Variants in CWF19L2 observed in about 807,000 individuals in gnomAD.
CWF19L2 encodes CWF19 like cell cycle control factor 2, also known as CWF19-like protein 2.
CWF19L2 carries 98 observed loss-of-function variants against 111.7 expected under a neutral mutation model. The ratio of observed to expected loss-of-function variants is 0.88; its 90% CI spans 0.75 to 1.04. The LOEUF (loss-of-function observed/expected upper bound fraction) is 1.04, where lower values mean the gene tolerates loss of function less well. CWF19L2 is among the 50% of genes least tolerant of loss of function. The pLI is 0.00. For synonymous variants in CWF19L2, 351 were observed against 342.9 expected (o/e 1.02, Z -0.26); for missense variants, 1,101 against 1,051.4 (o/e 1.05, Z -0.65).
At chr11:107,437,073 T>C (rs898254879) in intron 6 of CWF19L2, among the ~76,000 whole-genome samples, 2 of 152,180 alleles carry the variant, frequency 1.3e-5, no homozygotes, top group African/African-American at 4.8e-5. Flanking sequence ...ACAGTAATTA[T>C]TGAAAATATG....
intron 3 of CWF19L2, among the ~76,000 whole-genome samples, chr11:107,452,635 A>G (rs1861793237): frequency 6.6e-6 from 1 of 152,180 alleles, no homozygotes; most frequent in Non-Finnish European, 1.5e-5. Flanking sequence ...TACACAACAT[A>G]AATAAAAATT....
Position 107,349,012 on chromosome 11 carries a change from C to T in CWF19L2, c.2127G>A (p.Gly709=). Residue 709 remains glycine, a synonymous_variant, in exon 14 of 18, where the codon GGG becomes GGA. Coordinates refer to ENST00000282251, the MANE Select transcript of CWF19L2 (RefSeq NM_152434.3). The part of the protein sequence containing the change: ...CLPNVRSLTE[G]HCLIVPLQHH... ...GCTGCAAAGGGACTATCAGGCAGTGCCCCTCAGTAAGAGACCGTACGTTGG... is the reference window on the plus strand; with the variant it reads ...GCTGCAAAGGGACTATCAGGCAGTGTCCCTCAGTAAGAGACCGTACGTTGG... 2.5e-6 allele frequency: 4 copies of T among 1,610,042 alleles called. No homozygotes were observed. Among genetic ancestry groups the T allele is most frequent in the African/African-American group, 1.3e-5 (1 of 74,872 alleles).
chr11:107,330,520 C>A (rs2134517737), intron 16 of CWF19L2, among the ~76,000 whole-genome samples: 1 of 151,902 alleles, frequency 6.6e-6, no homozygotes, highest in Admixed American at 6.6e-5. Context: ...GATACAGCAA[C>A]ACTTAGTTTA....
At chr11:107,454,594 A>C in intron 2 of CWF19L2, 22 bp from the exon 3 acceptor site, 1 of 1,295,928 alleles carries the variant, frequency 7.7e-7, no homozygotes, top group Non-Finnish European at 9.9e-7. Flanking sequence ...TTGAACAGGC[A>C]AGAAAATAAT....
At chr11:107,448,190 A>T (rs1036333419) in intron 3 of CWF19L2, among the ~76,000 whole-genome samples, 1 of 151,906 alleles carries the variant, frequency 6.6e-6, no homozygotes, top group Non-Finnish European at 1.5e-5. Flanking sequence ...CTAAAAATAC[A>T]AACAATTAGC....
At chr11:107,453,820 C>G (rs751430758) in intron 3 of CWF19L2, among the ~76,000 whole-genome samples, 34 of 151,916 alleles carry the variant, frequency 2.2e-4, no homozygotes, top group Non-Finnish European at 4.6e-4. Flanking sequence ...AGTCCCAGGC[C>G]GGGCAGCTGA....
intron 3 of CWF19L2, among the ~76,000 whole-genome samples, chr11:107,445,104 G>A (rs747917317): frequency 4.6e-5 from 7 of 152,080 alleles, no homozygotes; most frequent in Non-Finnish European, 7.4e-5. Flanking sequence ...CTCAGGGTAG[G>A]GGAAATGAAA....
chr11:107,456,669 G>A (rs1011716338), intron 1 of CWF19L2, among the ~76,000 whole-genome samples: 5 of 151,772 alleles, frequency 3.3e-5, no homozygotes, highest in Non-Finnish European at 5.9e-5. Flanking sequence ...TCCAGAAAAG[G>A]GAAAATCATG....
At chr11:107,335,183 G>A (rs2134522980) in intron 15 of CWF19L2, among the ~76,000 whole-genome samples, 1 of 152,190 alleles carries the variant, frequency 6.6e-6, no homozygotes, top group African/African-American at 2.4e-5. Context: ...ATTCTTAACT[G>A]TTATACTAAC....
intron 10 of CWF19L2, among the ~76,000 whole-genome samples, chr11:107,415,881 T>G (rs1002403054): frequency 6.6e-6 from 1 of 152,094 alleles, no homozygotes; most frequent in Admixed American, 6.6e-5. Flanking sequence ...GTGGATCATT[T>G]GAGGTCAGGA....
intron 13 of CWF19L2, among the ~76,000 whole-genome samples, chr11:107,351,028 A>G (rs1420819483): frequency 3.9e-5 from 6 of 152,220 alleles, no homozygotes; most frequent in Non-Finnish European, 2.9e-5. Flanking sequence ...CATAGGCGAC[A>G]ATAAGGATTC....
At position 107,392,830 on chromosome 11, in the gene CWF19L2, G is replaced by A. The variant is rs781532793; in HGVS notation, c.1683C>T (p.Asn561=). 6.3e-7 allele frequency: 1 copy of A among 1,596,584 alleles called. No individual in the cohort carries two copies. The highest frequency in any genetic ancestry group is 8.5e-7 in the Non-Finnish European group (1 of 1,174,038). The change falls in exon 11 of 18, where the codon AAC becomes AAT. Residue 561 remains asparagine (N), a synonymous_variant. Transcript: ENST00000282251. ...GTGATTCCAGAGATTTTCCGGGTGT[G>A]TTCACAGGCCATACTCTTCCAGACT... ...TDQSGRVWPV[N]TPGKSLESQG...
chr11:107,429,048 A>G lies in CWF19L2; in HGVS notation c.1184T>C (p.Leu395Ser), dbSNP rs766072878. Residue 395 changes from leucine to serine, a missense_variant, in exon 8 of 18, where the codon TTG becomes TCG. Transcript: ENST00000282251. ...ACTACACAAAGAGCCCTGAGCTACCAATGCTGAAGATGAACTAAGTGGTTC... is the reference window on the plus strand; with the variant it reads ...ACTACACAAAGAGCCCTGAGCTACCGATGCTGAAGATGAACTAAGTGGTTC... ...KFEPLSSSSALVAQGSLCSGF... is the reference protein window; with the variant it reads ...KFEPLSSSSASVAQGSLCSGF... The G allele has an allele frequency of 1.2e-6, 2 of 1,613,820 alleles. No individual in the cohort carries two copies. Among genetic ancestry groups the G allele is most frequent in the South Asian group, 1.1e-5 (1 of 91,068 alleles).
intron 2 of CWF19L2, among the ~76,000 whole-genome samples, chr11:107,455,235 T>G (rs1861836712): frequency 6.6e-6 from 1 of 152,120 alleles, no homozygotes; most frequent in South Asian, 2.1e-4. Flanking sequence ...TGAATCTTTC[T>G]ATAATGTATA....
chr11:107,368,295 G>C (rs1860462386), intron 12 of CWF19L2, among the ~76,000 whole-genome samples: 1 of 137,766 alleles, frequency 7.3e-6, no homozygotes, highest in African/African-American at 2.9e-5. Context: ...GAGCATCAGA[G>C]ACTATGATGA....
Position 107,418,217 on chromosome 11 carries a change from T to C in CWF19L2, c.1504A>G (p.Lys502Glu). The C allele has an allele frequency of 6.2e-7, 1 of 1,609,696 alleles. No individual in the cohort carries two copies. The highest frequency in any genetic ancestry group is 1.1e-5 in the South Asian group (1 of 90,984). Reference protein sequence around the residue: ...EKNKLGAKIIKAEMMGNMELA... With the variant: ...EKNKLGAKIIEAEMMGNMELA... ...ACCATATTCCCCATCATCTCTGCTTTGATAATCTTGGCTCCCAACTTGTTC... is the reference window on the plus strand; with the variant it reads ...ACCATATTCCCCATCATCTCTGCTTCGATAATCTTGGCTCCCAACTTGTTC... The change falls in exon 9 of 18, where the codon AAA becomes GAA. Residue 502 changes from lysine (K) to glutamate (E), a missense_variant. By Grantham distance (56) the Lys-to-Glu change is moderately conservative. Transcript: ENST00000282251.
rs548449126 is a variant in CWF19L2 at position 107,359,450 on chromosome 11, C to T, written c.1873-5714G>A. 3.9e-5 allele frequency among the ~76,000 whole-genome samples: 6 copies of T among 152,224 alleles called. No homozygotes were observed. In the East Asian group the frequency reaches 1.2e-3, roughly 29 times the overall value. On this transcript the variant is annotated intron_variant, in intron 12 of 17. Transcript: ENST00000282251. The stretch of plus-strand genomic sequence containing the variant: ...TATGTCTTCCAGGATATAGTATATG[C>T]TCTAAGTCAGCATCCAAACAATGAT...
At chr11:107,331,930 A>C (rs1030333182) in intron 16 of CWF19L2, among the ~76,000 whole-genome samples, 7 of 152,238 alleles carry the variant, frequency 4.6e-5, no homozygotes, top group Non-Finnish European at 1.0e-4. Flanking sequence ...ATGTACATTT[A>C]GCACTTCCTT....
chr11:107,374,206 A>G (rs1271836952), intron 12 of CWF19L2, among the ~76,000 whole-genome samples: 1 of 129,942 alleles, frequency 7.7e-6, no homozygotes, highest in Non-Finnish European at 1.6e-5. Context: ...GCAGGATATT[A>G]TCCAGGAGAA....
Sources: gnomAD v4.1 joint callset for allele counts (sites outside exome capture counted in the v4.1 genomes callset) on GRCh38, gnomAD v4.1.1 for gene constraint, MANE v1.5 for transcripts, NCBI Gene and HGNC (gene_info 2026-07-23, HGNC 2026-07-21) for gene names.